Variants in DDX4 observed in about 807,000 individuals in gnomAD.
The protein encoded by DDX4 is probable ATP-dependent RNA helicase DDX4.
Under a neutral mutation model 100.0 loss-of-function variants are expected in DDX4, and 25 were observed. That is an observed-to-expected ratio of 0.25 (90% CI 0.18 to 0.35). The LOEUF (loss-of-function observed/expected upper bound fraction) is 0.35. Ranked by LOEUF, DDX4 falls within the 10% of genes least tolerant of loss-of-function variation. The pLI is 1.00. For synonymous variants in DDX4, 259 were observed against 275.7 expected (o/e 0.94, Z 0.60); for missense variants, 635 against 882.4 (o/e 0.72, Z 3.55).
At chr5:55,762,035 G>A (rs554364473) in intron 4 of DDX4, among the ~76,000 whole-genome samples, 57 of 152,306 alleles carry the variant, frequency 3.7e-4, no homozygotes, top group African/African-American at 1.3e-3. Context: ...GTATGTCTGA[G>A]TAGCTTGGAC....
intron 6 of DDX4, among the ~76,000 whole-genome samples, chr5:55,767,177 C>T (rs780433352): frequency 1.2e-4 from 18 of 152,160 alleles, no homozygotes; most frequent in Non-Finnish European, 2.1e-4. Flanking sequence ...TAGTGGCTCA[C>T]GCCTGTAATC....
At chr5:55,748,547 G>A (rs1759368836) in intron 3 of DDX4, among the ~76,000 whole-genome samples, 1 of 151,830 alleles carries the variant, frequency 6.6e-6, no homozygotes, top group South Asian at 2.1e-4. Flanking sequence ...CTAATGAAAT[G>A]AAATCATTAA....
chr5:55,740,446 A>T (rs897366343), intron 2 of DDX4, among the ~76,000 whole-genome samples: 1 of 151,534 alleles, frequency 6.6e-6, no homozygotes, highest in Non-Finnish European at 1.5e-5. Context: ...GATTACAGTC[A>T]TGAGCCACCG....
At position 55,816,683 on chromosome 5, in the gene DDX4, C is replaced by T; in HGVS notation, c.*143C>T. 7.3e-7 allele frequency: 1 copy of T among 1,368,274 alleles called. No homozygotes were observed. Among genetic ancestry groups the T allele is most frequent in the Non-Finnish European group, 9.7e-7 (1 of 1,036,242 alleles). The allele number at this position is 1,368,274 out of a possible 1,614,324, so 84.8% of individuals were successfully genotyped here. ...CACTCCTACACTTAAAAAAAAAATC[C>T]TTACTGACTAGTTATGTGAGATGCT... On this transcript the variant is annotated 3_prime_UTR_variant, in exon 22 of 22. Coordinates refer to ENST00000505374, the MANE Select transcript of DDX4 (RefSeq NM_024415.3).
intron 17 of DDX4, among the ~76,000 whole-genome samples, chr5:55,794,063 A>G (rs764619052): frequency 2.6e-5 from 4 of 152,156 alleles, no homozygotes; most frequent in Non-Finnish European, 4.4e-5. Context: ...AGTTAGGAAG[A>G]GTTCTTTATT....
chr5:55,763,109 TTA>T, intron 4 of DDX4, 64 bp from the exon 5 acceptor site: 1 of 1,060,068 alleles, frequency 9.4e-7, no homozygotes, highest in Non-Finnish European at 1.4e-6. Flanking sequence ...CATTTAATTC[TTA>T]GTTTTTGATG....
intron 7 of DDX4, among the ~76,000 whole-genome samples, chr5:55,768,259 T>C (rs1318019418): frequency 1.3e-5 from 2 of 152,158 alleles, no homozygotes; most frequent in African/African-American, 4.8e-5. Flanking sequence ...TGATAGGTAG[T>C]TTTTTGATCC....
chr5:55,764,240 T>A (rs1209429253), intron 6 of DDX4, among the ~76,000 whole-genome samples, 176 bp downstream of exon 6: 1 of 152,176 alleles, frequency 6.6e-6, no homozygotes, highest in Non-Finnish European at 1.5e-5. Context: ...CATAAAGAAT[T>A]CAGGCATCCT....
At chr5:55,760,140 G>T (rs965051211) in intron 3 of DDX4, 60 bp from the exon 4 acceptor site, 15 of 1,523,392 alleles carry the variant, frequency 9.8e-6, no homozygotes, top group African/African-American at 2.9e-5. Flanking sequence ...AAGGCTTAAG[G>T]TTTGCAAGTA....
intron 19 of DDX4, among the ~76,000 whole-genome samples, chr5:55,814,086 AT>A (rs1160424090): frequency 6.6e-6 from 1 of 152,134 alleles, no homozygotes. Flanking sequence ...CCCTTATCAA[AT>A]TTTCCTTTGC....
rs781741593 is a variant in DDX4, at chr5:55,813,750, A to T, written c.1693A>T (p.Ile565Leu). 47 of 1,597,566 alleles carry T rather than the reference A, an allele frequency of 2.9e-5. No individual in the cohort carries two copies. The highest frequency in any genetic ancestry group is 3.8e-5 in the Non-Finnish European group (45 of 1,173,802). Residue 565 changes from isoleucine to leucine, a missense_variant, in exon 19 of 22, where the codon ATA (isoleucine) becomes TTA (leucine). Physicochemically the swap from Ile to Leu is conservative, Grantham distance 5 (BLOSUM62 2). Transcript: ENST00000505374. ...TGCAACTTTTCTTTGTCAAGAAAAAATATCAACTACAAGTATTCATGGGTG... is the reference window on the plus strand; with the variant it reads ...TGCAACTTTTCTTTGTCAAGAAAAATTATCAACTACAAGTATTCATGGGTG... ...FIATFLCQEK[I>L]STTSIHGDRE...
At chr5:55,786,411 TA>T (rs1742252338) in intron 13 of DDX4, 106 bp from the exon 14 acceptor site, 2 of 795,312 alleles carry the variant, frequency 2.5e-6, no homozygotes, top group African/African-American at 1.7e-5. Flanking sequence ...CTTTAGTATA[TA>T]AAGTAGAATT....
At chr5:55,797,897 A>C (rs34642528) in intron 17 of DDX4, among the ~76,000 whole-genome samples, 19,080 of 152,154 alleles carry the variant, frequency 0.13, 1,790 homozygotes, top group East Asian at 0.29. Flanking sequence ...TGCAAATACT[A>C]CTTTCTATGT....
At chr5:55,786,454 A>G in intron 13 of DDX4, 64 bp from the exon 14 acceptor site, 1 of 1,307,150 alleles carries the variant, frequency 7.7e-7, no homozygotes, top group Non-Finnish European at 1.1e-6. Flanking sequence ...CGAATGAAAT[A>G]TGCTTATAAA....
chr5:55,779,403 G>A (rs1288464742), intron 7 of DDX4, among the ~76,000 whole-genome samples: 2 of 152,126 alleles, frequency 1.3e-5, no homozygotes, highest in Non-Finnish European at 2.9e-5. Flanking sequence ...TGCCCAGTTG[G>A]CACTTTGGTT....
chr5:55,785,268 C>A (rs369885593), intron 10 of DDX4, 29 bp from the exon 11 acceptor site: 11 of 1,508,880 alleles, frequency 7.3e-6, no homozygotes, highest in Non-Finnish European at 1.0e-5. Flanking sequence ...ACATCTTGAC[C>A]GATTGTCACT....
At chr5:55,767,279 A>G (rs1740983289) in intron 6 of DDX4, among the ~76,000 whole-genome samples, 1 of 152,146 alleles carries the variant, frequency 6.6e-6, no homozygotes, top group African/African-American at 2.4e-5. Context: ...CATCTCTCCT[A>G]AAAATACAAA....
intron 6 of DDX4, among the ~76,000 whole-genome samples, chr5:55,765,548 CCT>C (rs1026495050): frequency 1.4e-4 from 21 of 150,888 alleles, no homozygotes; most frequent in African/African-American, 5.1e-4. Flanking sequence ...ATTTTTTTCC[CCT>C]GTCATCTACT....
At chr5:55,801,121 C>T (rs1743269852) in intron 18 of DDX4, among the ~76,000 whole-genome samples, 1 of 151,652 alleles carries the variant, frequency 6.6e-6, no homozygotes, top group Non-Finnish European at 1.5e-5. Flanking sequence ...CTTGTCCAAC[C>T]CACAGCTCAC....
Sources: gnomAD v4.1 joint callset for allele counts (sites outside exome capture counted in the v4.1 genomes callset) on GRCh38, gnomAD v4.1.1 for gene constraint, MANE v1.5 for transcripts, NCBI Gene and HGNC (gene_info 2026-07-23, HGNC 2026-07-21) for gene names.